ATRX: variants seen among roughly 807,000 people sequenced by gnomAD.
The protein encoded by ATRX is ATRX chromatin remodeler.
Under a neutral mutation model 172.6 loss-of-function variants are expected in ATRX, and 12 were observed. That is an observed-to-expected ratio of 0.07 (90% CI 0.04 to 0.11). The LOEUF (loss-of-function observed/expected upper bound fraction) is 0.11. Ranked by LOEUF, ATRX falls within the 10% of genes least tolerant of loss-of-function variation. The pLI is 1.00. For missense variants in ATRX, 1,368 were observed against 1,767.4 expected, an observed-to-expected ratio of 0.77 and a Z score of 4.05; for synonymous variants, 674 against 594.7, an observed-to-expected ratio of 1.13 and a Z score of -1.94.
intron 27 of ATRX, among the ~76,000 whole-genome samples, chrX:77,587,889 T>C (rs782375039): frequency 2.7e-5 from 3 of 112,331 alleles, no homozygotes; most frequent in Non-Finnish European, 5.6e-5. Context: ...ATGGCAGTAC[T>C]TCCTAAAATT....
chrX:77,747,088 C>G (rs782478251), intron 1 of ATRX, among the ~76,000 whole-genome samples: 1 of 111,186 alleles, frequency 9.0e-6, no homozygotes, highest in Non-Finnish European at 1.9e-5. Context: ...CGTGAGCCAC[C>G]GCGCCCGGCC....
intron 27 of ATRX, among the ~76,000 whole-genome samples, chrX:77,583,659 G>A (rs1180931687): frequency 9.0e-6 from 1 of 111,117 alleles, no homozygotes; most frequent in Non-Finnish European, 1.9e-5. Context: ...AATAATAAAA[G>A]CCATCTATGA....
chrX:77,743,552 G>A (rs553974616), intron 1 of ATRX, among the ~76,000 whole-genome samples: 3 of 111,211 alleles, frequency 2.7e-5, no homozygotes, highest in East Asian at 5.7e-4. Context: ...TCTCCCAGGG[G>A]ACAGAGGTCA....
At chrX:77,780,227 C>T (rs1367787044) in intron 1 of ATRX, among the ~76,000 whole-genome samples, 1 of 111,856 alleles carries the variant, frequency 8.9e-6, no homozygotes, top group African/African-American at 3.3e-5. Context: ...TATAAATACA[C>T]TGAATAAAGA....
chrX:77,631,986 GT>G (rs1260074817), intron 19 of ATRX, among the ~76,000 whole-genome samples: 7 of 109,998 alleles, frequency 6.4e-5, no homozygotes, highest in African/African-American at 1.6e-4. Context: ...AAAATGAAAA[GT>G]TTTTTTTTGT....
chrX:77,600,739 A>G (rs1557086744), intron 22 of ATRX, 175 bp from the exon 23 acceptor site: 3 of 428,813 alleles, frequency 7.0e-6, no homozygotes, highest in Non-Finnish European at 1.2e-5. Context: ...TACAAAAGAA[A>G]CCCATCATAT....
chrX:77,621,482 T>C (rs1557099928), intron 19 of ATRX, among the ~76,000 whole-genome samples: 2 of 110,841 alleles, frequency 1.8e-5, no homozygotes, highest in African/African-American at 3.3e-5. Flanking sequence ...GCTAATTTTT[T>C]TGCATTTTTA....
In ATRX at chrX:77,688,815, T is replaced by C. The variant is rs781914712; in HGVS notation, c.594+3A>G. The stretch of plus-strand genomic sequence containing the variant: ...TATGAAATATCAACAGATCATTACA[T>C]ACCTTACAAATAAGAACTTGCAATG... On this transcript the variant is annotated splice_donor_region_variant and intron_variant, in intron 7 of 34. Coordinates refer to ENST00000373344, the MANE Select transcript of ATRX (RefSeq NM_000489.6). 8.5e-7 allele frequency: 1 copy of C among 1,172,087 alleles called. No homozygotes were observed. Among genetic ancestry groups the C allele is most frequent in the Non-Finnish European group, 1.2e-6 (1 of 860,782 alleles).
chrX:77,523,452 TATA>T (rs782752151), intron 30 of ATRX, 51 bp from the exon 31 acceptor site: 9 of 1,123,918 alleles, frequency 8.0e-6, no homozygotes, highest in Non-Finnish European at 1.1e-5. Context: ...CTCTGGACAG[TATA>T]ATATCTCCAT....
At chrX:77,780,196 G>T (rs1229565189) in intron 1 of ATRX, among the ~76,000 whole-genome samples, 5 of 111,666 alleles carry the variant, frequency 4.5e-5, no homozygotes, top group African/African-American at 1.6e-4. Flanking sequence ...ACCTAACCAT[G>T]TAAGTTTTAA....
intron 30 of ATRX, among the ~76,000 whole-genome samples, chrX:77,535,169 T>C (rs782158145): frequency 2.0e-4 from 22 of 112,433 alleles, no homozygotes; most frequent in African/African-American, 6.8e-4. Context: ...ATTTGATAAG[T>C]AACTAGAGAG....
At chrX:77,574,129 A>G (rs1557069079) in intron 28 of ATRX, 121 bp downstream of exon 28, 1 of 484,836 alleles carries the variant, frequency 2.1e-6, no homozygotes, top group African/African-American at 2.4e-5. Flanking sequence ...ACTGTTTTGC[A>G]ACCTGACTGT....
intron 27 of ATRX, among the ~76,000 whole-genome samples, chrX:77,581,820 T>C (rs1486962974): frequency 1.8e-5 from 2 of 111,832 alleles, no homozygotes; most frequent in Non-Finnish European, 3.8e-5. Context: ...TGAAATAATA[T>C]CAAGTATCTT....
chrX:77,661,211 C>T (rs1178785640), intron 12 of ATRX, among the ~76,000 whole-genome samples: 1 of 111,995 alleles, frequency 8.9e-6, no homozygotes, highest in African/African-American at 3.2e-5. Flanking sequence ...ATAATGTGCA[C>T]TTCTTTGTAC....
At chrX:77,528,968 T>A (rs1360005550) in intron 30 of ATRX, among the ~76,000 whole-genome samples, 1 of 112,126 alleles carries the variant, frequency 8.9e-6, no homozygotes, top group Admixed American at 9.4e-5. Context: ...GAGAGGAACA[T>A]AACCAACCTG....
In ATRX at chrX:77,682,551, A is replaced by G. The variant is rs1315800221; in HGVS notation, c.2705T>C (p.Met902Thr). The G allele has an allele frequency of 8.3e-7, 1 of 1,209,633 alleles. No individual in the cohort carries two copies. Among genetic ancestry groups the G allele is most frequent in the Non-Finnish European group, 1.1e-6 (1 of 895,143 alleles). Residue 902 changes from methionine to threonine, a missense_variant, in exon 9 of 35, where the codon ATG (methionine) becomes ACG (threonine). Coordinates refer to ENST00000373344, the MANE Select transcript of ATRX (RefSeq NM_000489.6). ...CTTAGGAAGTCGATCTCTTAATTCC[A>G]TGATGGTCGTGTCTTTATCAACTGT... ...EGTVDKDTTI[M>T]ELRDRLPKKQ... is the part of the protein sequence containing the mutation.
intron 12 of ATRX, among the ~76,000 whole-genome samples, chrX:77,662,406 A>G (rs781967487): frequency 1.8e-5 from 2 of 112,138 alleles, no homozygotes; most frequent in Non-Finnish European, 3.8e-5. Context: ...GCTTGCATAA[A>G]TTTACCCAAA....
chrX:77,617,359 G>A (rs781893287), intron 21 of ATRX, among the ~76,000 whole-genome samples: 1 of 110,993 alleles, frequency 9.0e-6, no homozygotes, highest in African/African-American at 3.3e-5. Flanking sequence ...TACAGAAACA[G>A]GGTACTTGCT....
At chrX:77,695,019 A>G (rs1219874423) in intron 5 of ATRX, among the ~76,000 whole-genome samples, 3 of 104,727 alleles carry the variant, frequency 2.9e-5, no homozygotes, top group African/African-American at 1.0e-4. Flanking sequence ...GAGAAGCCCC[A>G]GCATTTGAAA....
Sources: allele counts gnomAD v4.1 joint callset (sites outside exome capture counted in the v4.1 genomes callset), GRCh38; gene constraint gnomAD v4.1.1; transcripts MANE v1.5; gene names NCBI Gene and HGNC (gene_info 2026-07-23, HGNC 2026-07-21).